CSMD2: variants seen among roughly 807,000 people sequenced by gnomAD.
CSMD2 encodes the protein CUB and Sushi multiple domains 2, also known as CUB and sushi domain-containing protein 2.
In CSMD2, 130 loss-of-function variants were observed where a neutral mutation model predicts 398.5. The ratio of observed to expected loss-of-function variants is 0.33; its 90% confidence interval spans 0.28 to 0.38. The LOEUF is 0.38. CSMD2 is among the 10% of genes least tolerant of loss of function. The pLI, the probability that CSMD2 is intolerant of heterozygous loss-of-function variation, is 1.00. For synonymous variants in CSMD2, 1,828 were observed against 1,908.5 expected, an observed-to-expected ratio of 0.96 and a Z score of 1.10; for missense variants, 3,829 against 4,764.9, an observed-to-expected ratio of 0.80 and a Z score of 5.78.
intron 5 of CSMD2, among the ~76,000 whole-genome samples, chr1:33,874,967 C>T (rs567403150): frequency 5.7e-4 from 87 of 152,324 alleles, no homozygotes; most frequent in African/African-American, 8.9e-4. Context: ...TCCTCTGGCC[C>T]GCACAGCCCT....
Position 33,624,118 on chromosome 1 carries a change from T to C in CSMD2, c.5625+401A>G, listed in dbSNP as rs1203245917. On this transcript the variant is annotated intron_variant, in intron 35 of 70. Transcript: ENST00000373381. This position sits in a 1 kb window ranked among gnomAD's most constrained non-coding sequence, Gnocchi z 4.7. ...TTAGCACTGCCTCCCCTTCTAACCC[T>C]CACAATCTTAAGAAAATCTTTAGCC... 6.6e-6 allele frequency among the ~76,000 whole-genome samples: 1 copy of C among 152,172 alleles called. No individual in the cohort carries two copies. The highest frequency in any genetic ancestry group is 1.5e-5 in the Non-Finnish European group (1 of 68,016).
At chr1:33,615,520 C>T (rs1271575455) in intron 39 of CSMD2, among the ~76,000 whole-genome samples, 2 of 152,150 alleles carry the variant, frequency 1.3e-5, no homozygotes, top group Admixed American at 6.5e-5. Context: ...CCTTCACTTC[C>T]GATGGGACCG....
intron 4 of CSMD2, among the ~76,000 whole-genome samples, chr1:33,927,502 A>G (rs1644167433): frequency 6.6e-6 from 1 of 152,186 alleles, no homozygotes; most frequent in Admixed American, 6.5e-5. Flanking sequence ...CCTCGAGAGC[A>G]TAGGTATTAT....
chr1:33,631,119 A>T (rs1274299430), intron 32 of CSMD2, among the ~76,000 whole-genome samples: 6 of 152,050 alleles, frequency 3.9e-5, no homozygotes, highest in South Asian at 2.1e-4. Context: ...AATAAAAATT[A>T]AAAAAAACCC....
At chr1:34,101,263 T>C (rs1039898309) in intron 1 of CSMD2, among the ~76,000 whole-genome samples, 1 of 152,208 alleles carries the variant, frequency 6.6e-6, no homozygotes, top group African/African-American at 2.4e-5. Context: ...CTTTCACCCA[T>C]GCTTTGAGTT....
intron 6 of CSMD2, among the ~76,000 whole-genome samples, chr1:33,832,891 G>T (rs1659765561): frequency 6.6e-6 from 1 of 152,208 alleles, no homozygotes; most frequent in African/African-American, 2.4e-5. Flanking sequence ...AAATAAACTA[G>T]AAAATCTAGA....
chr1:34,027,069 A>G (rs1649741734), intron 3 of CSMD2, among the ~76,000 whole-genome samples: 1 of 152,254 alleles, frequency 6.6e-6, no homozygotes. Context: ...TAAAGGAAAA[A>G]TTAAAAAATT....
rs538066197 is a variant in CSMD2, at chr1:33,604,149, G to A, written c.6532+1133C>T. Among the ~76,000 whole-genome samples, 26 of 152,310 alleles carry A rather than the reference G, an allele frequency of 1.7e-4. 1 individual carries two copies. Among genetic ancestry groups the A allele is most frequent in the Middle Eastern group, 3.4e-3 (1 of 294 alleles). On this transcript the variant is annotated intron_variant, in intron 42 of 70. Transcript: ENST00000373381. ...GCTCAAGCTAGCAGACTGAGAAAGC[G>A]CTGCTCTTTTCTCTCTCCTGTGATG...
intron 3 of CSMD2, among the ~76,000 whole-genome samples, chr1:34,028,248 C>T (rs1570867620): frequency 6.6e-6 from 1 of 152,066 alleles, no homozygotes; most frequent in Admixed American, 6.5e-5. Flanking sequence ...CCCAGGAGGT[C>T]GAGGCTGCAG....
chr1:33,577,408 G>A lies in CSMD2; in HGVS notation c.7464C>T (p.Ser2488=). The A allele has an allele frequency of 1.2e-6, 2 of 1,614,172 alleles. No individual in the cohort carries two copies. Among genetic ancestry groups the A allele is most frequent in the Non-Finnish European group, 1.7e-6 (2 of 1,180,014 alleles). The change falls in exon 49 of 71, where the codon TCC becomes TCT. Residue 2488 remains serine, a synonymous_variant. Coordinates refer to ENST00000373381, the MANE Select transcript of CSMD2 (RefSeq NM_001281956.2). ...LGQTSTQPGG[S]IHFGCNAGYR... is the part of the protein sequence containing the mutation. ...AGCCGGCGTTGCAGCCAAAGTGGATGGAGCCCCCGGGCTGGGTGCTGGTCT... is the reference window on the plus strand; with the variant it reads ...AGCCGGCGTTGCAGCCAAAGTGGATAGAGCCCCCGGGCTGGGTGCTGGTCT...
At position 33,586,512 on chromosome 1, in the gene CSMD2, A is replaced by G. The variant is rs762995881; in HGVS notation, c.7043T>C (p.Ile2348Thr). The G allele has an allele frequency of 1.9e-6, 3 of 1,610,204 alleles. No individual in the cohort carries two copies. Among genetic ancestry groups the G allele is most frequent in the East Asian group, 2.2e-5 (1 of 44,828 alleles). The change falls in exon 46 of 71, where the codon ATA becomes ACA. Residue 2348 changes from isoleucine (I) to threonine (T), a missense_variant. Ile to Thr is a moderately conservative substitution (Grantham distance 89). This residue lies in a region of CSMD2 where 723 missense variants were observed against 758.6 expected (regional missense o/e 0.95). Coordinates refer to ENST00000373381, the MANE Select transcript of CSMD2 (RefSeq NM_001281956.2). Reference sequence around the variant, plus strand: ...CGGCTCCATGCAATTACCTTCACATATCGGGGGTGGTCCTTCAAACTGCAG... The same window carrying G: ...CGGCTCCATGCAATTACCTTCACATGTCGGGGGTGGTCCTTCAAACTGCAG... ...TYLQFEGPPP[I>T]CEVHCPTNEL...
chr1:33,806,184 C>T (rs923071003), intron 10 of CSMD2, among the ~76,000 whole-genome samples: 10 of 152,156 alleles, frequency 6.6e-5, no homozygotes, highest in Non-Finnish European at 8.8e-5. Flanking sequence ...AGAAATGAGC[C>T]TATCTCCTTC....
At chr1:34,050,545 C>T (rs375958480) in intron 2 of CSMD2, among the ~76,000 whole-genome samples, 25 of 152,316 alleles carry the variant, frequency 1.6e-4, no homozygotes, top group African/African-American at 6.0e-4. Context: ...ATGGCCTTTT[C>T]AAGACTCAAT....
Position 34,107,985 on chromosome 1 carries a change from C to A in CSMD2, c.188-18792G>T, listed in dbSNP as rs560573543. On this transcript the variant is annotated intron_variant, in intron 1 of 70. Coordinates refer to ENST00000373381, the MANE Select transcript of CSMD2 (RefSeq NM_001281956.2). The stretch of plus-strand genomic sequence containing the variant: ...CATGAGAATCTCATGAGGGCAGGAC[C>A]ACGCCTGACTCACTGTTAAATCCCA... Among the ~76,000 whole-genome samples the A allele has an allele frequency of 1.8e-4, 27 of 152,314 alleles. No individual in the cohort carries two copies. In the South Asian group the frequency reaches 5.2e-3, roughly 29 times the overall value.
chr1:33,938,990 T>C (rs187640097), intron 3 of CSMD2, among the ~76,000 whole-genome samples: 126 of 132,198 alleles, frequency 9.5e-4, no homozygotes, highest in African/African-American at 3.4e-3. Context: ...TCTTTTGCTC[T>C]TGGCTTACTT....
chr1:34,021,514 A>T (rs564323795), intron 3 of CSMD2, among the ~76,000 whole-genome samples: 1 of 152,308 alleles, frequency 6.6e-6, no homozygotes, highest in East Asian at 1.9e-4. Context: ...GTGGGCTGGC[A>T]GTGGTCCTGA....
chr1:34,139,756 T>C (rs1466431208), intron 1 of CSMD2, among the ~76,000 whole-genome samples: 3 of 152,244 alleles, frequency 2.0e-5, no homozygotes, highest in Admixed American at 2.0e-4. Context: ...GAAGGAATAA[T>C]GTCTACAGAG....
intron 70 of CSMD2, among the ~76,000 whole-genome samples, 176 bp from the exon 71 acceptor site, chr1:33,516,746 G>A (rs927155199): frequency 1.3e-5 from 2 of 152,156 alleles, no homozygotes; most frequent in African/African-American, 4.8e-5. Flanking sequence ...TGGGGATGGG[G>A]GTAGGTAGGG....
intron 2 of CSMD2, among the ~76,000 whole-genome samples, chr1:34,068,502 G>A (rs1655365136): frequency 6.6e-6 from 1 of 152,132 alleles, no homozygotes. Flanking sequence ...TTTCCTTCTA[G>A]TCTTATTCAC....
Sources: gnomAD v4.1 joint callset for allele counts (sites outside exome capture counted in the v4.1 genomes callset) on GRCh38, gnomAD v4.1.1 for gene constraint, gnomAD v4.1.1 regional missense constraint, Gnocchi (gnomAD v3.1) non-coding constraint, MANE v1.5 for transcripts, NCBI Gene and HGNC (gene_info 2026-07-23, HGNC 2026-07-21) for gene names.